Variants in LAMC1 observed in about 807,000 individuals in gnomAD.
LAMC1 encodes the protein laminin subunit gamma 1, also known as laminin subunit gamma-1.
In LAMC1, 38 loss-of-function variants were observed where a neutral mutation model predicts 173.6. That is an observed-to-expected ratio of 0.22 (90% CI 0.17 to 0.29). The LOEUF is 0.29. Among genes scored for constraint, LAMC1 ranks in the 10% least tolerant of loss-of-function variants. The pLI, the probability that LAMC1 is intolerant of heterozygous loss-of-function variation, is 1.00. For synonymous variants in LAMC1, 746 were observed against 749.1 expected (o/e 1.00, Z 0.07); for missense variants, 1,824 against 2,051.8 (o/e 0.89, Z 2.14).
At position 183,122,144 on chromosome 1, in the gene LAMC1, G is replaced by A. The variant is rs754363534; in HGVS notation, c.2294G>A (p.Gly765Asp). The A allele has an allele frequency of 1.2e-6, 2 of 1,614,174 alleles. No homozygotes were observed. The highest frequency in any genetic ancestry group is 1.7e-6 in the Non-Finnish European group (2 of 1,180,030). Residue 765 changes from glycine to aspartate, a missense_variant, in exon 13 of 28, where the codon GGC becomes GAC. Transcript: ENST00000258341. ...SDGYYGDSTA[G>D]TSSDCQPCPC... ...GGGTACTATGGAGATTCAACTGCAGGCACCTCCTCCGATTGCCAACCCTGT... is the reference window on the plus strand; with the variant it reads ...GGGTACTATGGAGATTCAACTGCAGACACCTCCTCCGATTGCCAACCCTGT...
At chr1:183,121,668 A>G (rs1392380765) in intron 11 of LAMC1, 55 bp from the exon 12 acceptor site, 1 of 1,485,568 alleles carries the variant, frequency 6.7e-7, no homozygotes, top group African/African-American at 1.4e-5. Flanking sequence ...CTGACTTTAC[A>G]CAAGGTTTGG....
intron 10 of LAMC1, 38 bp from the exon 11 acceptor site, chr1:183,117,996 C>G: frequency 1.6e-6 from 2 of 1,217,742 alleles, no homozygotes; most frequent in South Asian, 1.3e-5. Context: ...CCAGAATTGT[C>G]CTTACAGAGG....
At position 183,131,314 on chromosome 1, in the gene LAMC1, G is replaced by C; in HGVS notation, c.3502G>C (p.Glu1168Gln). 1 of 1,613,720 alleles carries C rather than the reference G, an allele frequency of 6.2e-7. No individual in the cohort carries two copies. Among genetic ancestry groups the C allele is most frequent in the Admixed American group, 1.7e-5 (1 of 59,990 alleles). Reference protein sequence around the residue: ...AAANVSVTQPESTGDPNNMTL... With the variant: ...AAANVSVTQPQSTGDPNNMTL... Reference sequence around the variant, plus strand: ...TCCTGTGCAGTCAGTCACTCAGCCAGAATCTACAGGGGACCCAAACAACAT... The same window carrying C: ...TCCTGTGCAGTCAGTCACTCAGCCACAATCTACAGGGGACCCAAACAACAT... The change falls in exon 20 of 28, where the codon GAA (glutamate) becomes CAA (glutamine). Residue 1168 changes from glutamate to glutamine, a missense_variant. By Grantham distance (29) the Glu-to-Gln change is conservative. Coordinates refer to ENST00000258341, the MANE Select transcript of LAMC1 (RefSeq NM_002293.4).
At chr1:183,107,917 C>T (rs922419929) in intron 2 of LAMC1, among the ~76,000 whole-genome samples, 11 of 152,064 alleles carry the variant, frequency 7.2e-5, no homozygotes, top group Non-Finnish European at 1.2e-4. Flanking sequence ...AGCTGGTATC[C>T]CTTACTGGAT....
chr1:183,126,467 T>G (rs1474461131), intron 16 of LAMC1, among the ~76,000 whole-genome samples: 5 of 152,244 alleles, frequency 3.3e-5, no homozygotes, highest in African/African-American at 1.2e-4. Flanking sequence ...TCTTTGTATG[T>G]TTTCTTTTAC....
chr1:183,108,466 T>C, intron 3 of LAMC1, 60 bp downstream of exon 3: 1 of 1,470,698 alleles, frequency 6.8e-7, no homozygotes, highest in Non-Finnish European at 9.4e-7. Context: ...GAGGTGAATC[T>C]AGCAACTTGT....
intron 21 of LAMC1, among the ~76,000 whole-genome samples, chr1:183,132,985 A>G (rs1327752149): frequency 6.6e-6 from 1 of 152,104 alleles, no homozygotes; most frequent in East Asian, 1.9e-4. Flanking sequence ...ATCTCGGCTC[A>G]CTGCATCCTC....
At chr1:183,083,742 T>G (rs1291201007) in intron 1 of LAMC1, among the ~76,000 whole-genome samples, 1 of 152,242 alleles carries the variant, frequency 6.6e-6, no homozygotes, top group Admixed American at 6.5e-5. Context: ...GAATTGGGAT[T>G]GTTTTCCACA....
chr1:183,099,161 T>C (rs1295695557), intron 1 of LAMC1, among the ~76,000 whole-genome samples: 1 of 152,104 alleles, frequency 6.6e-6, no homozygotes, highest in Non-Finnish European at 1.5e-5. Context: ...CGATCTCGGC[T>C]CACTGCAACC....
intron 1 of LAMC1, among the ~76,000 whole-genome samples, chr1:183,076,487 G>A (rs185672731): frequency 6.2e-4 from 94 of 152,274 alleles, no homozygotes; most frequent in Admixed American, 3.3e-3. Context: ...TTCCATGACC[G>A]TTTGTTCATC....
intron 1 of LAMC1, among the ~76,000 whole-genome samples, chr1:183,073,207 A>G (rs1433813669): frequency 6.6e-6 from 1 of 152,150 alleles, no homozygotes. Flanking sequence ...GAGAGGATTT[A>G]CTTCTGTCTC....
At chr1:183,077,965 C>T (rs566655653) in intron 1 of LAMC1, among the ~76,000 whole-genome samples, 2 of 151,724 alleles carry the variant, frequency 1.3e-5, no homozygotes, top group Admixed American at 1.3e-4. Flanking sequence ...TCAACCCTGA[C>T]ATTATATTTT....
Position 183,130,677 on chromosome 1 carries a change from T to A in LAMC1, c.3486+128T>A. ...ATGCATCTTTTTATTTGTCCCTAAATATGGGGCAGAAAAGCCACATTGCTC... is the reference window on the plus strand; with the variant it reads ...ATGCATCTTTTTATTTGTCCCTAAAAATGGGGCAGAAAAGCCACATTGCTC... On this transcript the variant is annotated intron_variant, in intron 19 of 27. Coordinates refer to ENST00000258341, the MANE Select transcript of LAMC1 (RefSeq NM_002293.4). 4.2e-6 allele frequency: 3 copies of A among 716,302 alleles called. No individual in the cohort carries two copies. In the Admixed American group the frequency reaches 8.1e-5, roughly 19 times the overall value. 44.4% of individuals were successfully genotyped at this position (716,302 alleles called of 1,614,324 possible). A position where few individuals can be genotyped will look rare whatever the true frequency, so the allele number is the denominator to read the frequency against.
intron 1 of LAMC1, among the ~76,000 whole-genome samples, chr1:183,042,375 C>G (rs752263313): frequency 2.0e-5 from 3 of 152,168 alleles, no homozygotes; most frequent in Non-Finnish European, 4.4e-5. Context: ...AGTGTATTAT[C>G]TGCCACCAGA....
At chr1:183,117,952 G>GAAT in intron 10 of LAMC1, 82 bp from the exon 11 acceptor site, 1 of 856,394 alleles carries the variant, frequency 1.2e-6, no homozygotes, top group South Asian at 1.6e-5. Context: ...TGCATTGTTG[G>GAAT]GGCATAAATG....
chr1:183,098,790 A>G (rs1655759126), intron 1 of LAMC1, among the ~76,000 whole-genome samples: 1 of 152,132 alleles, frequency 6.6e-6, no homozygotes, highest in Non-Finnish European at 1.5e-5. Context: ...ATGCACCCAG[A>G]CAGAGAGCAA....
chr1:183,062,122 G>A lies in LAMC1; in HGVS notation c.418+37988G>A, dbSNP rs569375575. ...TATATACGTTTATTGTATTTGGTAC[G>A]TTAAATTTAAGGTGGAAATCTATGT... On this transcript the variant is annotated intron_variant, in intron 1 of 27. Coordinates refer to ENST00000258341, the MANE Select transcript of LAMC1 (RefSeq NM_002293.4). Among the ~76,000 whole-genome samples, 55 of 152,178 alleles carry A rather than the reference G, an allele frequency of 3.6e-4. 1 individual carries two copies. The highest frequency in any genetic ancestry group is 7.3e-5 in the Non-Finnish European group (5 of 68,030).
chr1:183,130,912 C>T (rs545031388), intron 19 of LAMC1, among the ~76,000 whole-genome samples: 3 of 152,144 alleles, frequency 2.0e-5, no homozygotes, highest in Non-Finnish European at 4.4e-5. Context: ...CGGTGGCTCA[C>T]GCCTGTAATC....
intron 11 of LAMC1, among the ~76,000 whole-genome samples, chr1:183,120,878 A>G (rs917637194): frequency 3.9e-5 from 6 of 152,128 alleles, no homozygotes; most frequent in Non-Finnish European, 8.8e-5. Context: ...GAAATTATGT[A>G]ACCTGAGTAT....
Sources: gnomAD v4.1 joint callset for allele counts (sites outside exome capture counted in the v4.1 genomes callset) on GRCh38, gnomAD v4.1.1 for gene constraint, MANE v1.5 for transcripts, NCBI Gene and HGNC (gene_info 2026-07-23, HGNC 2026-07-21) for gene names.